Variants in ECHDC1 observed in about 807,000 individuals in gnomAD.
The protein encoded by ECHDC1 is ethylmalonyl-CoA decarboxylase.
In ECHDC1, 29 loss-of-function variants were observed where a neutral mutation model predicts 29.7. The observed-to-expected ratio is 0.98, with a 90% CI of 0.73 to 1.33. The LOEUF is 1.33. ECHDC1 is among the 40% of genes most tolerant of loss of function. ECHDC1 has a pLI of 0.00. For synonymous variants in ECHDC1, 126 were observed against 123.1 expected, an observed-to-expected ratio of 1.02 and a Z score of -0.15; for missense variants, 328 against 350.0, an observed-to-expected ratio of 0.94 and a Z score of 0.50.
intron 5 of ECHDC1, chr6:127,313,710 C>G: frequency 2.7e-6 from 1 of 365,324 alleles, no homozygotes; most frequent in South Asian, 2.0e-5. Context: ...AGCCCAGAGA[C>G]TGAAAAACAT....
chr6:127,332,630 T>C (rs576225707), intron 1 of ECHDC1, among the ~76,000 whole-genome samples: 44 of 152,158 alleles, frequency 2.9e-4, no homozygotes, highest in Non-Finnish European at 5.1e-4. Flanking sequence ...AGGTAGATAA[T>C]AGACAAAAGG....
intron 3 of ECHDC1, among the ~76,000 whole-genome samples, chr6:127,321,762 G>C (rs1195235283): frequency 6.6e-6 from 1 of 152,164 alleles, no homozygotes; most frequent in East Asian, 1.9e-4. Flanking sequence ...TAGCACTTTG[G>C]GAGGCTGAGG....
At chr6:127,316,407 T>C (rs1212399468) in intron 4 of ECHDC1, 43 bp downstream of exon 4, 2 of 1,515,316 alleles carry the variant, frequency 1.3e-6, no homozygotes, top group Non-Finnish European at 1.8e-6. Flanking sequence ...AAAGCTATTT[T>C]TGGTCTTTTA....
intron 1 of ECHDC1, among the ~76,000 whole-genome samples, chr6:127,340,037 G>A (rs1285018183): frequency 6.6e-6 from 1 of 152,096 alleles, no homozygotes; most frequent in African/African-American, 2.4e-5. Flanking sequence ...TACAAAATGG[G>A]TTTATATGCA....
intron 3 of ECHDC1, among the ~76,000 whole-genome samples, chr6:127,322,715 T>C (rs1043045325): frequency 3.3e-5 from 5 of 151,818 alleles, no homozygotes; most frequent in Non-Finnish European, 5.9e-5. Flanking sequence ...TCTAAATATA[T>C]AGAAAAAGAA....
At chr6:127,312,822 A>G (rs1782051488) in intron 5 of ECHDC1, among the ~76,000 whole-genome samples, 1 of 152,198 alleles carries the variant, frequency 6.6e-6, no homozygotes, top group Admixed American at 6.5e-5. Context: ...CATGCAATAA[A>G]ATACTTTTCA....
chr6:127,289,847 G>A lies in ECHDC1; in HGVS notation c.*22C>T. 6.3e-7 allele frequency: 1 copy of A among 1,589,222 alleles called. No homozygotes were observed. Among genetic ancestry groups the A allele is most frequent in the Non-Finnish European group, 8.6e-7 (1 of 1,168,432 alleles). On this transcript the variant is annotated 3_prime_UTR_variant, in exon 6 of 6. Transcript: ENST00000454859. ...ATTAGTCACTGGAGCTTTACTTGGA[G>A]TACATCCACACGAAAAACCAATTAT...
chr6:127,298,711 T>C (rs1031046813), intron 5 of ECHDC1, among the ~76,000 whole-genome samples: 4 of 152,182 alleles, frequency 2.6e-5, no homozygotes, highest in African/African-American at 9.7e-5. Context: ...ATCGCCATTG[T>C]AATGTCATAG....
intron 5 of ECHDC1, among the ~76,000 whole-genome samples, chr6:127,308,336 G>T (rs1781615135): frequency 6.6e-6 from 1 of 152,116 alleles, no homozygotes. Flanking sequence ...TGCAAGGATG[G>T]TTCAACATAC....
In ECHDC1 at chr6:127,290,141, G is replaced by C; in HGVS notation, c.634C>G (p.Leu212Val). ...ALKVLSGALK[L>V]DSKNALNIGM... ...ATGTTTAGAGCATTTTTTGAATCCAGTTTAAGGGCCCCACTCAACACTTTG... is the reference window on the plus strand; with the variant it reads ...ATGTTTAGAGCATTTTTTGAATCCACTTTAAGGGCCCCACTCAACACTTTG... Residue 212 changes from leucine (L) to valine (V), a missense_variant, in exon 6 of 6, where the codon CTG becomes GTG. By Grantham distance (32) the Leu-to-Val change is conservative. Coordinates refer to ENST00000454859, the MANE Select transcript of ECHDC1 (RefSeq NM_001002030.2). The C allele has an allele frequency of 6.2e-7, 1 of 1,613,700 alleles. No homozygotes were observed.
intron 5 of ECHDC1, among the ~76,000 whole-genome samples, chr6:127,308,619 A>T (rs891476968): frequency 6.6e-6 from 1 of 152,196 alleles, no homozygotes; most frequent in African/African-American, 2.4e-5. Context: ...TACGTTCACA[A>T]CTGTTATTCA....
intron 5 of ECHDC1, among the ~76,000 whole-genome samples, chr6:127,314,140 C>T (rs9398838): frequency 0.73 from 110,846 of 152,038 alleles, 40,585 homozygotes; most frequent in East Asian, 0.78. Flanking sequence ...ACAGATAACT[C>T]ACAGAGCATT....
In ECHDC1 at chr6:127,293,399, T is replaced by C. The variant is rs550681482; in HGVS notation, c.498-3122A>G. 3.3e-5 allele frequency among the ~76,000 whole-genome samples: 5 copies of C among 152,272 alleles called. No homozygotes were observed. The South Asian group carries it at 8.3e-4, about 25-fold the overall frequency. On this transcript the variant is annotated intron_variant, in intron 5 of 5. Transcript: ENST00000454859. Reference sequence around the variant, plus strand: ...GTGTACAGCTTTGATGTGAAGTGCATACACTCAGAAGCCAGACTGCTGGGC... The same window carrying C: ...GTGTACAGCTTTGATGTGAAGTGCACACACTCAGAAGCCAGACTGCTGGGC...
At chr6:127,301,933 T>C (rs779506733) in intron 5 of ECHDC1, among the ~76,000 whole-genome samples, 74 of 152,298 alleles carry the variant, frequency 4.9e-4, no homozygotes, top group Non-Finnish European at 7.1e-4. Context: ...GAAATATGTT[T>C]AATAAACAGA....
chr6:127,300,961 T>C (rs1319320075), intron 5 of ECHDC1, among the ~76,000 whole-genome samples: 2 of 148,092 alleles, frequency 1.4e-5, no homozygotes, highest in Non-Finnish European at 3.0e-5. Flanking sequence ...ATATCTTTAA[T>C]TTGTCAAGGT....
chr6:127,299,743 T>C lies in ECHDC1; in HGVS notation c.498-9466A>G, dbSNP rs1780909460. Reference sequence around the variant, plus strand: ...GGAGTACATTCTAAGTGTACAGTAATGTCCTAGGCCTTCACATTCACTTGC... The same window carrying C: ...GGAGTACATTCTAAGTGTACAGTAACGTCCTAGGCCTTCACATTCACTTGC... On this transcript the variant is annotated intron_variant, in intron 5 of 5. Transcript: ENST00000454859. Among the ~76,000 whole-genome samples, 3 of 152,314 alleles carry C rather than the reference T, an allele frequency of 2.0e-5. No individual in the cohort carries two copies. The South Asian group carries it at 6.2e-4, about 32-fold the overall frequency.
At chr6:127,305,875 A>G (rs980387271) in intron 5 of ECHDC1, among the ~76,000 whole-genome samples, 3 of 152,116 alleles carry the variant, frequency 2.0e-5, no homozygotes, top group African/African-American at 7.2e-5. Context: ...ACAAAAAGGA[A>G]GAAGAAAAGA....
At position 127,339,395 on chromosome 6, in the gene ECHDC1, G is replaced by A. The variant is rs567918641; in HGVS notation, c.-3+3941C>T. 6.1e-4 allele frequency among the ~76,000 whole-genome samples: 93 copies of A among 151,248 alleles called. 1 individual carries two copies. The highest frequency in any genetic ancestry group is 3.4e-3 in the Middle Eastern group (1 of 292). On this transcript the variant is annotated intron_variant, in intron 1 of 5. Transcript: ENST00000454859. ...TGTGGAACTAAATGACACATAATGTGGTTATTACTATATAGGTATTATGGT... is the reference window on the plus strand; with the variant it reads ...TGTGGAACTAAATGACACATAATGTAGTTATTACTATATAGGTATTATGGT...
At chr6:127,299,206 A>G (rs1293401643) in intron 5 of ECHDC1, among the ~76,000 whole-genome samples, 1 of 152,032 alleles carries the variant, frequency 6.6e-6, no homozygotes, top group Non-Finnish European at 1.5e-5. Context: ...TTTTACTTTT[A>G]TATGTAGAAA....
Sources: gnomAD v4.1 joint callset for allele counts (sites outside exome capture counted in the v4.1 genomes callset) on GRCh38, gnomAD v4.1.1 for gene constraint, MANE v1.5 for transcripts, NCBI Gene and HGNC (gene_info 2026-07-23, HGNC 2026-07-21) for gene names.